Variants in PLA2G12B observed in about 807,000 individuals in gnomAD.
PLA2G12B encodes the protein phospholipase A2 group XIIB.
In PLA2G12B, 19 loss-of-function variants were observed where a neutral mutation model predicts 22.3. That is an observed-to-expected ratio of 0.85 (90% CI 0.60 to 1.25). The LOEUF (loss-of-function observed/expected upper bound fraction) is 1.25, where lower values mean the gene tolerates loss of function less well. Ranked by LOEUF, PLA2G12B falls within the 50% of genes most tolerant of loss-of-function variation. The pLI is 0.00. For synonymous variants in PLA2G12B, 81 were observed against 94.9 expected (o/e 0.85, Z 0.85); for missense variants, 191 against 246.6 (o/e 0.77, Z 1.51).
intron 1 of PLA2G12B, among the ~76,000 whole-genome samples, chr10:72,953,831 T>G (rs1428482198): frequency 6.6e-6 from 1 of 152,172 alleles, no homozygotes; most frequent in East Asian, 1.9e-4. Context: ...GGATCCCTGG[T>G]GAGCCACGAA....
chr10:72,954,361 C>T, intron 1 of PLA2G12B, 114 bp downstream of exon 1: 1 of 1,264,786 alleles, frequency 7.9e-7, no homozygotes, highest in African/African-American at 1.5e-5. Context: ...TCTGCTAAAT[C>T]TGGCAGCTCT....
intron 1 of PLA2G12B, among the ~76,000 whole-genome samples, chr10:72,954,259 A>G (rs1846580301): frequency 6.6e-6 from 1 of 152,220 alleles, no homozygotes; most frequent in South Asian, 2.1e-4. Flanking sequence ...CAGGATAAGT[A>G]TGTCCCAGAT....
Position 72,954,804 on chromosome 10 carries a change from T to C in PLA2G12B, c.-119A>G, listed in dbSNP as rs1846595062. 5.8e-6 allele frequency: 6 copies of C among 1,037,644 alleles called. No homozygotes were observed. Among genetic ancestry groups the C allele is most frequent in the Non-Finnish European group, 8.4e-6 (6 of 717,836 alleles). The allele number at this position is 1,037,644 out of a possible 1,614,324, so 64.3% of individuals were successfully genotyped here. ...ACTGGGAAAGGGATTATCTGGAACATTCAATCTGTCTGTTCCCCAGAGGTG... is the reference window on the plus strand; with the variant it reads ...ACTGGGAAAGGGATTATCTGGAACACTCAATCTGTCTGTTCCCCAGAGGTG... On this transcript the variant is annotated 5_prime_UTR_variant, in exon 1 of 4. The change abolishes an upstream ATG in the 5' untranslated region. Coordinates refer to ENST00000373032, the MANE Select transcript of PLA2G12B (RefSeq NM_032562.5).
chr10:72,940,381 C>T (rs543719985), intron 3 of PLA2G12B, among the ~76,000 whole-genome samples: 10 of 152,200 alleles, frequency 6.6e-5, no homozygotes, highest in Admixed American at 5.2e-4. Flanking sequence ...ATTATAGAGT[C>T]GGTGCTAGAA....
intron 3 of PLA2G12B, among the ~76,000 whole-genome samples, chr10:72,936,217 G>T (rs1312228288): frequency 6.6e-6 from 1 of 152,130 alleles, no homozygotes; most frequent in Non-Finnish European, 1.5e-5. Context: ...AAGATACAGA[G>T]ACAAAAGGCA....
chr10:72,947,883 T>C (rs982500148), intron 1 of PLA2G12B, among the ~76,000 whole-genome samples: 3 of 152,200 alleles, frequency 2.0e-5, no homozygotes, highest in Non-Finnish European at 4.4e-5. Flanking sequence ...CTTCTTTCTC[T>C]TTCTCTTCTT....
rs1380872025 is a variant in PLA2G12B, at chr10:72,954,378, A to G, written c.211+97T>C. On this transcript the variant is annotated intron_variant, in intron 1 of 3. Coordinates refer to ENST00000373032, the MANE Select transcript of PLA2G12B (RefSeq NM_032562.5). ...TGCTAAATCTGGCAGCTCTAAGTGG[A>G]TAACAGGAAAAAGTGCAAGACAGAT... The G allele has an allele frequency of 2.0e-6, 3 of 1,467,802 alleles. No homozygotes were observed. The African/African-American group carries it at 4.2e-5, about 21-fold the overall frequency. 90.9% of individuals were successfully genotyped at this position (1,467,802 alleles called of 1,614,324 possible).
At chr10:72,935,916 A>G (rs1021698152) in intron 3 of PLA2G12B, among the ~76,000 whole-genome samples, 178 bp from the exon 4 acceptor site, 3 of 152,224 alleles carry the variant, frequency 2.0e-5, no homozygotes, top group African/African-American at 7.2e-5. Flanking sequence ...CCAGTAAAGC[A>G]GAAGACACCT....
chr10:72,951,990 C>A (rs1291381492), intron 1 of PLA2G12B, among the ~76,000 whole-genome samples: 1 of 152,186 alleles, frequency 6.6e-6, no homozygotes, highest in African/African-American at 2.4e-5. Flanking sequence ...CTGAAGTTCT[C>A]TAAGAATGAC....
chr10:72,951,653 G>T (rs1398466177), intron 1 of PLA2G12B, among the ~76,000 whole-genome samples: 3 of 151,930 alleles, frequency 2.0e-5, no homozygotes, highest in East Asian at 1.9e-4. Context: ...TAGAGACAGG[G>T]TTTCACCGTG....
intron 1 of PLA2G12B, among the ~76,000 whole-genome samples, chr10:72,949,844 C>T (rs372124641): frequency 2.6e-5 from 4 of 152,238 alleles, no homozygotes; most frequent in East Asian, 1.9e-4. Context: ...GGCGTGGTGG[C>T]GCATGCCTGT....
At position 72,942,731 on chromosome 10, in the gene PLA2G12B, G is replaced by A; in HGVS notation, c.221C>T (p.Pro74Leu). Residue 74 changes from proline (P) to leucine (L), a missense_variant, in exon 2 of 4, where the codon CCA becomes CTA. Transcript: ENST00000373032. ...GGGCTTGTAGCCAGGTCTGGGCATTGGTGCCTTTCCTTGCAGGAGGAAGAA... is the reference window on the plus strand; with the variant it reads ...GGGCTTGTAGCCAGGTCTGGGCATTAGTGCCTTTCCTTGCAGGAGGAAGAA... Reference protein sequence around the residue: ...CQYRCRYGKAPMPRPGYKPQE... With the variant: ...CQYRCRYGKALMPRPGYKPQE... 1 of 1,599,920 alleles carries A rather than the reference G, an allele frequency of 6.3e-7. No individual in the cohort carries two copies. Among genetic ancestry groups the A allele is most frequent in the Middle Eastern group, 1.7e-4 (1 of 6,020 alleles).
At chr10:72,951,562 A>G (rs1378429008) in intron 1 of PLA2G12B, among the ~76,000 whole-genome samples, 2 of 143,558 alleles carry the variant, frequency 1.4e-5, no homozygotes, top group Admixed American at 7.2e-5. Context: ...GGTTCACACC[A>G]TTCTCCTGCC....
At chr10:72,952,431 T>C (rs190387724) in intron 1 of PLA2G12B, among the ~76,000 whole-genome samples, 12 of 152,330 alleles carry the variant, frequency 7.9e-5, no homozygotes, top group African/African-American at 2.9e-4. Flanking sequence ...AATCTCCTAC[T>C]AATCAGAAAC....
chr10:72,935,907 C>T (rs1259524155), intron 3 of PLA2G12B, among the ~76,000 whole-genome samples, 169 bp from the exon 4 acceptor site: 1 of 152,172 alleles, frequency 6.6e-6, no homozygotes, highest in Non-Finnish European at 1.5e-5. Flanking sequence ...CCATCCAATC[C>T]AGTAAAGCAG....
intron 2 of PLA2G12B, among the ~76,000 whole-genome samples, chr10:72,941,816 G>A (rs1420923074): frequency 8.7e-6 from 1 of 114,878 alleles, no homozygotes; most frequent in African/African-American, 5.4e-5. Flanking sequence ...GGGTGTGCGT[G>A]TGTGTGTGTG....
chr10:72,949,261 C>T (rs1298679560), intron 1 of PLA2G12B, among the ~76,000 whole-genome samples: 1 of 152,100 alleles, frequency 6.6e-6, no homozygotes, highest in Non-Finnish European at 1.5e-5. Context: ...TTTCCTATCT[C>T]GGACAGCAAT....
rs1846268259 is a variant in PLA2G12B at position 72,935,630 on chromosome 10, T to C, written c.575A>G (p.Lys192Arg). 1 of 1,614,002 alleles carries C rather than the reference T, an allele frequency of 6.2e-7. No individual in the cohort carries two copies. The highest frequency in any genetic ancestry group is 1.7e-5 in the Admixed American group (1 of 60,010). Residue 192 changes from lysine (K) to arginine (R), a missense_variant, in exon 4 of 4, where the codon AAG becomes AGG. Lys to Arg is a conservative substitution (Grantham distance 26, BLOSUM62 2). Coordinates refer to ENST00000373032, the MANE Select transcript of PLA2G12B (RefSeq NM_032562.5). ...ATCACTTCTTCCTCATAACTCTTCC[T>C]TCTCCTCCTCTGCACAGATGCAAGC... ...RAACICAEEE[K>R]EEL is the part of the protein sequence containing the mutation.
Position 72,952,285 on chromosome 10 carries a change from G to T in PLA2G12B, c.211+2190C>A, listed in dbSNP as rs146864856. Among the ~76,000 whole-genome samples the T allele has an allele frequency of 8.3e-4, 127 of 152,352 alleles. 1 individual carries two copies. Among genetic ancestry groups the T allele is most frequent in the African/African-American group, 2.6e-3 (109 of 41,568 alleles). ...AGTTGGGAGGATTGCTTGAGCCCTGGAGTTGGAGACCAGCCTGGGCAAGAT... is the reference window on the plus strand; with the variant it reads ...AGTTGGGAGGATTGCTTGAGCCCTGTAGTTGGAGACCAGCCTGGGCAAGAT... On this transcript the variant is annotated intron_variant, in intron 1 of 3. Coordinates refer to ENST00000373032, the MANE Select transcript of PLA2G12B (RefSeq NM_032562.5).
Sources: allele counts gnomAD v4.1 joint callset (sites outside exome capture counted in the v4.1 genomes callset), GRCh38; gene constraint gnomAD v4.1.1; transcripts MANE v1.5; gene names NCBI Gene and HGNC (gene_info 2026-07-23, HGNC 2026-07-21).